BICC1: variants seen among roughly 807,000 people sequenced by gnomAD.
BICC1 encodes the protein protein bicaudal C homolog 1.
In BICC1, 43 loss-of-function variants were observed where a neutral mutation model predicts 111.0. The observed-to-expected ratio is 0.39, with a 90% CI of 0.30 to 0.50. The LOEUF (loss-of-function observed/expected upper bound fraction) is 0.50. BICC1 is among the 20% of genes least tolerant of loss of function. The pLI, the probability that BICC1 is intolerant of heterozygous loss-of-function variation, is 0.88. For missense variants in BICC1, 1,091 were observed against 1,203.2 expected (o/e 0.91, Z 1.38); for synonymous variants, 467 against 434.4 (o/e 1.07, Z -0.93).
intron 2 of BICC1, among the ~76,000 whole-genome samples, chr10:58,692,636 T>TGGGA (rs1839944279): frequency 1.3e-5 from 2 of 152,212 alleles, no homozygotes; most frequent in African/African-American, 4.8e-5. Context: ...CTTGTTAAGT[T>TGGGA]CGAATAGTGC....
intron 3 of BICC1, among the ~76,000 whole-genome samples, chr10:58,739,829 T>C (rs955551121): frequency 3.9e-5 from 6 of 152,178 alleles, no homozygotes; most frequent in African/African-American, 1.4e-4. Flanking sequence ...TTTGGGAAAT[T>C]AGTATATAAA....
chr10:58,592,460 C>A (rs947529674), intron 1 of BICC1, among the ~76,000 whole-genome samples: 2 of 152,118 alleles, frequency 1.3e-5, no homozygotes, highest in African/African-American at 4.8e-5. Flanking sequence ...GACCTGTATT[C>A]CCAGCACTTT....
intron 8 of BICC1, among the ~76,000 whole-genome samples, chr10:58,791,204 G>T (rs1298682432): frequency 6.6e-6 from 1 of 152,108 alleles, no homozygotes; most frequent in African/African-American, 2.4e-5. Flanking sequence ...TTATATCCAA[G>T]AATTGTTGTA....
rs186960709 is a variant in BICC1 at position 58,585,630 on chromosome 10, C to A, written c.191-35225C>A. On this transcript the variant is annotated intron_variant, in intron 1 of 20. Transcript: ENST00000373886. ...CTCATTGTGCATTCTCCCTCCTCCCCCAGAAAAACCTTATACTTCCCCTTT... is the reference window on the plus strand; with the variant it reads ...CTCATTGTGCATTCTCCCTCCTCCCACAGAAAAACCTTATACTTCCCCTTT... 2.2e-3 allele frequency among the ~76,000 whole-genome samples: 331 copies of A among 152,216 alleles called. 3 individuals carry two copies. The highest frequency in any genetic ancestry group is 7.3e-3 in the African/African-American group (303 of 41,518).
At chr10:58,527,725 A>C (rs1397815808) in intron 1 of BICC1, among the ~76,000 whole-genome samples, 1 of 152,030 alleles carries the variant, frequency 6.6e-6, no homozygotes, top group Non-Finnish European at 1.5e-5. Context: ...CATAGACCAG[A>C]TGGTTGTAGA....
At position 58,567,123 on chromosome 10, in the gene BICC1, G is replaced by A. The variant is rs566045598; in HGVS notation, c.191-53732G>A. Among the ~76,000 whole-genome samples, 3 of 152,272 alleles carry A rather than the reference G, an allele frequency of 2.0e-5. No homozygotes were observed. In the South Asian group the frequency reaches 6.2e-4, roughly 32 times the overall value. On this transcript the variant is annotated intron_variant, in intron 1 of 20. Transcript: ENST00000373886. ...AATTCACGTGCATAGTGGTGGGTTA[G>A]GCCATGTCTCTTGTGCCTTAGGAAA...
chr10:58,647,075 ATG>A (rs1838291934), intron 2 of BICC1, among the ~76,000 whole-genome samples: 2 of 152,196 alleles, frequency 1.3e-5, no homozygotes, highest in Non-Finnish European at 2.9e-5. Context: ...TCATCTTCCT[ATG>A]GTAGATATAC....
intron 3 of BICC1, among the ~76,000 whole-genome samples, chr10:58,753,232 G>T (rs1296304628): frequency 6.6e-6 from 1 of 152,138 alleles, no homozygotes; most frequent in African/African-American, 2.4e-5. Context: ...GCATGATCAT[G>T]ATCATAGTTT....
chr10:58,806,619 C>T lies in BICC1; in HGVS notation c.2217C>T (p.Thr739=). Reference sequence around the variant, plus strand: ...ATGAACAGAAGAAGCTATTAGCCACCAAAGGTATGTAATACACTAATAACT... The same window carrying T: ...ATGAACAGAAGAAGCTATTAGCCACTAAAGGTATGTAATACACTAATAACT... ...FDYEQKKLLA[T]KAMLKKPVVT... Residue 739 remains threonine, a synonymous_variant, in exon 16 of 21, where the codon ACC becomes ACT. Coordinates refer to ENST00000373886, the MANE Select transcript of BICC1 (RefSeq NM_001080512.3). The T allele has an allele frequency of 6.2e-7, 1 of 1,610,376 alleles. No individual in the cohort carries two copies. The highest frequency in any genetic ancestry group is 8.5e-7 in the Non-Finnish European group (1 of 1,176,910).
At position 58,648,740 on chromosome 10, in the gene BICC1, C is replaced by G. The variant is rs1050634002; in HGVS notation, c.237+27839C>G. 3 of 811,388 alleles carry G rather than the reference C, an allele frequency of 3.7e-6. No homozygotes were observed. In the African/African-American group the frequency reaches 5.6e-5, roughly 15 times the overall value. 50.3% of individuals were successfully genotyped at this position (811,388 alleles called of 1,614,324 possible). ...CCATAATGCTACTTGCTACTCCTGT[C>G]TTTTATCTTAATCATGATGACTCCT... On this transcript the variant is annotated intron_variant, in intron 2 of 20. Coordinates refer to ENST00000373886, the MANE Select transcript of BICC1 (RefSeq NM_001080512.3).
chr10:58,661,816 T>C (rs1347077586), intron 2 of BICC1, among the ~76,000 whole-genome samples: 1 of 152,212 alleles, frequency 6.6e-6, no homozygotes, highest in Non-Finnish European at 1.5e-5. Flanking sequence ...TCAAATCTGA[T>C]ATAATTTGGC....
chr10:58,541,809 T>C (rs1299062535), intron 1 of BICC1, among the ~76,000 whole-genome samples: 2 of 150,694 alleles, frequency 1.3e-5, no homozygotes, highest in Non-Finnish European at 2.9e-5. Context: ...TAAAAACATA[T>C]TACAAATCCA....
chr10:58,785,264 A>C (rs189890114), intron 4 of BICC1, among the ~76,000 whole-genome samples, 184 bp downstream of exon 4: 46 of 152,314 alleles, frequency 3.0e-4, no homozygotes, highest in African/African-American at 1.1e-3. Flanking sequence ...AGGTTCTTTC[A>C]TGCTGAGTAA....
intron 3 of BICC1, among the ~76,000 whole-genome samples, chr10:58,709,376 C>T (rs1840501145): frequency 6.6e-6 from 1 of 152,306 alleles, no homozygotes; most frequent in South Asian, 2.1e-4. Context: ...CTTTCATATG[C>T]GTCTGTTTAT....
chr10:58,798,331 A>T, intron 10 of BICC1, 68 bp from the exon 11 acceptor site: 1 of 1,209,022 alleles, frequency 8.3e-7, no homozygotes, highest in Non-Finnish European at 1.1e-6. Context: ...CAATGGCAAT[A>T]TTGGTGCCAT....
At chr10:58,798,587 G>C in intron 11 of BICC1, 27 bp downstream of exon 11, 1 of 1,535,088 alleles carries the variant, frequency 6.5e-7, no homozygotes, top group South Asian at 1.3e-5. Context: ...TATATTCCAA[G>C]TTGTGTATTC....
chr10:58,697,170 A>G (rs921146292), intron 2 of BICC1, among the ~76,000 whole-genome samples: 8 of 152,218 alleles, frequency 5.3e-5, no homozygotes, highest in East Asian at 1.9e-4. Flanking sequence ...TTGAAAGCAA[A>G]CTAAACATTT....
In BICC1 at chr10:58,790,619, A is replaced by C. The variant is rs528159203; in HGVS notation, c.1047+686A>C. 3.3e-5 allele frequency among the ~76,000 whole-genome samples: 5 copies of C among 152,256 alleles called. No homozygotes were observed. The East Asian group carries it at 9.7e-4, about 29-fold the overall frequency. ...AAGGTGGGCAGATCACTTGAGGTCAAAATCAAGACCAGCCTGGCCAACATA... is the reference window on the plus strand; with the variant it reads ...AAGGTGGGCAGATCACTTGAGGTCACAATCAAGACCAGCCTGGCCAACATA... On this transcript the variant is annotated intron_variant, in intron 8 of 20. Coordinates refer to ENST00000373886, the MANE Select transcript of BICC1 (RefSeq NM_001080512.3).
In BICC1 at chr10:58,515,906, T is replaced by G. The variant is rs72818842; in HGVS notation, c.190+2573T>G. Among the ~76,000 whole-genome samples, 1,012 of 152,314 alleles carry G rather than the reference T, an allele frequency of 6.6e-3. 6 individuals carry two copies. The highest frequency in any genetic ancestry group is 0.013 in the Admixed American group (193 of 15,300). ...CATCATGGATTAAAAGGATTTCCAGTGCCTACCACAATGTATGAAATATAG... is the reference window on the plus strand; with the variant it reads ...CATCATGGATTAAAAGGATTTCCAGGGCCTACCACAATGTATGAAATATAG... On this transcript the variant is annotated intron_variant, in intron 1 of 20. Transcript: ENST00000373886.
Sources: allele counts gnomAD v4.1 joint callset (sites outside exome capture counted in the v4.1 genomes callset), GRCh38; gene constraint gnomAD v4.1.1; transcripts MANE v1.5; gene names NCBI Gene and HGNC (gene_info 2026-07-23, HGNC 2026-07-21).